The following CREB5 variants were observed in gnomAD, a reference collection of about 807,000 sequenced individuals.
The protein encoded by CREB5 is cAMP responsive element binding protein 5.
A neutral mutation model predicts 57.1 loss-of-function variants in CREB5; 19 were observed. The observed-to-expected ratio is 0.33, with a 90% confidence interval of 0.23 to 0.49. The LOEUF is 0.49. CREB5 is among the 20% of genes least tolerant of loss of function. The pLI is 0.99. For missense variants in CREB5, 579 were observed against 671.6 expected (o/e 0.86, Z 1.52); for synonymous variants, 238 against 238.3 (o/e 1.00, Z 0.01).
intron 1 of CREB5, among the ~76,000 whole-genome samples, chr7:28,299,846 AT>A (rs1329623317): frequency 6.6e-6 from 1 of 152,218 alleles, no homozygotes; most frequent in Non-Finnish European, 1.5e-5. Flanking sequence ...TAATATACAC[AT>A]TGGATAATGT....
chr7:28,802,576 G>C (rs2237365), intron 7 of CREB5, among the ~76,000 whole-genome samples: 77,709 of 152,116 alleles, frequency 0.51, 21,605 homozygotes, highest in African/African-American at 0.75. Context: ...CTTCATGAAG[G>C]CAATGGGAGC....
At chr7:28,580,138 A>G (rs1191298515) in intron 5 of CREB5, among the ~76,000 whole-genome samples, 1 of 152,184 alleles carries the variant, frequency 6.6e-6, no homozygotes, top group Non-Finnish European at 1.5e-5. Flanking sequence ...GAGTCAGTGT[A>G]TATTTAAATG....
At chr7:28,483,865 A>AT (rs1172803087) in intron 1 of CREB5, among the ~76,000 whole-genome samples, 1 of 152,218 alleles carries the variant, frequency 6.6e-6, no homozygotes. Flanking sequence ...TTCTCTGGCC[A>AT]TAACTGTCAA....
At chr7:28,540,944 A>G (rs1446065618) in intron 4 of CREB5, among the ~76,000 whole-genome samples, 1 of 152,196 alleles carries the variant, frequency 6.6e-6, no homozygotes, top group Non-Finnish European at 1.5e-5. Flanking sequence ...TCTTGAAAAC[A>G]TACCCACTGA....
intron 1 of CREB5, among the ~76,000 whole-genome samples, chr7:28,466,210 T>TAAAAAAA (rs5883134): frequency 1.1e-5 from 1 of 94,746 alleles, no homozygotes; most frequent in Non-Finnish European, 2.1e-5. Flanking sequence ...TGACTGGAGT[T>TAAAAAAA]AAAAAAAAAA....
intron 7 of CREB5, among the ~76,000 whole-genome samples, chr7:28,725,644 T>TA (rs1562598167): frequency 7.3e-6 from 1 of 136,776 alleles, no homozygotes; most frequent in Admixed American, 7.2e-5. Flanking sequence ...ATATCTTTTT[T>TA]TAAAAAAAAA....
intron 5 of CREB5, among the ~76,000 whole-genome samples, chr7:28,618,426 T>A (rs188809872): frequency 1.7e-4 from 26 of 152,324 alleles, no homozygotes; most frequent in African/African-American, 6.0e-4. Context: ...CTATTTTTTT[T>A]TAATCCTGAG....
chr7:28,625,022 GGA>G (rs1797950005), intron 5 of CREB5, among the ~76,000 whole-genome samples: 1 of 148,336 alleles, frequency 6.7e-6, no homozygotes, highest in African/African-American at 2.5e-5. Flanking sequence ...TTTTTGGTGA[GGA>G]TTTAAAAATA....
At chr7:28,555,109 T>TGTGTGTGTGTGTGTGTGTGTG (rs1554342975) in intron 4 of CREB5, among the ~76,000 whole-genome samples, 2 of 148,912 alleles carry the variant, frequency 1.3e-5, no homozygotes, top group African/African-American at 5.0e-5. Flanking sequence ...ATAAGCTGCA[T>TGTGTGTGTGTGTGTGTGTGTG]TGTGTGTGTG....
At chr7:28,546,048 T>C (rs915519883) in intron 4 of CREB5, among the ~76,000 whole-genome samples, 5 of 152,134 alleles carry the variant, frequency 3.3e-5, no homozygotes, top group African/African-American at 1.2e-4. Context: ...TCACTCCCCG[T>C]CCCCATCCCC....
intron 4 of CREB5, among the ~76,000 whole-genome samples, chr7:28,528,076 A>G (rs1475177491): frequency 6.6e-6 from 1 of 152,238 alleles, no homozygotes; most frequent in Non-Finnish European, 1.5e-5. Context: ...GAATATACTT[A>G]CTAAATGGAA....
chr7:28,746,440 G>T (rs977456728), intron 7 of CREB5, among the ~76,000 whole-genome samples: 6 of 152,140 alleles, frequency 3.9e-5, no homozygotes, highest in Non-Finnish European at 7.3e-5. Flanking sequence ...CAGCACCACC[G>T]GGGAGCCCTT....
intron 5 of CREB5, among the ~76,000 whole-genome samples, chr7:28,610,607 C>T (rs1797345591): frequency 6.6e-6 from 1 of 152,126 alleles, no homozygotes; most frequent in South Asian, 2.1e-4. Context: ...AAAAAGGTTT[C>T]TTCAAATGAA....
At chr7:28,337,206 G>T (rs1052714446) in intron 1 of CREB5, among the ~76,000 whole-genome samples, 1 of 151,920 alleles carries the variant, frequency 6.6e-6, no homozygotes, top group Non-Finnish European at 1.5e-5. Flanking sequence ...ATCTATTAGG[G>T]TCAGTTAATC....
chr7:28,654,937 G>T (rs1350591639), intron 5 of CREB5, among the ~76,000 whole-genome samples: 1 of 152,078 alleles, frequency 6.6e-6, no homozygotes, highest in African/African-American at 2.4e-5. Flanking sequence ...TTCAGACAGG[G>T]TCTGACTCCA....
At chr7:28,602,087 T>A (rs1796939809) in intron 5 of CREB5, among the ~76,000 whole-genome samples, 1 of 152,194 alleles carries the variant, frequency 6.6e-6, no homozygotes, top group Non-Finnish European at 1.5e-5. Context: ...ATACTACTAA[T>A]TTAATCTGTG....
chr7:28,641,282 A>G (rs1415680648), intron 5 of CREB5, among the ~76,000 whole-genome samples: 2 of 151,892 alleles, frequency 1.3e-5, no homozygotes, highest in Non-Finnish European at 2.9e-5. Context: ...GACAAGGACC[A>G]CCCCCCCATC....
intron 5 of CREB5, among the ~76,000 whole-genome samples, chr7:28,710,773 C>T (rs891351062): frequency 6.6e-6 from 1 of 152,120 alleles, no homozygotes; most frequent in East Asian, 1.9e-4. Flanking sequence ...ACTGGCCAAA[C>T]CAGTTTTCCT....
chr7:28,768,907 C>T (rs1345073094), intron 7 of CREB5, among the ~76,000 whole-genome samples: 1 of 152,200 alleles, frequency 6.6e-6, no homozygotes, highest in Non-Finnish European at 1.5e-5. Context: ...TTCCTTCAGC[C>T]TCAGCCTCTC....
Sources: gnomAD v4.1 joint callset for allele counts (sites outside exome capture counted in the v4.1 genomes callset) on GRCh38, gnomAD v4.1.1 for gene constraint, MANE v1.5 for transcripts, NCBI Gene and HGNC (gene_info 2026-07-23, HGNC 2026-07-21) for gene names.